The following OGDH variants were observed in gnomAD, a reference collection of about 807,000 sequenced individuals.
OGDH encodes oxoglutarate dehydrogenase.
OGDH carries 38 observed loss-of-function variants against 116.6 expected under a neutral mutation model. That is an observed-to-expected ratio of 0.33 (90% CI 0.25 to 0.43). OGDH has a LOEUF of 0.43. Among genes scored for constraint, OGDH ranks in the 20% least tolerant of loss-of-function variants. The probability of loss-of-function intolerance (pLI) is 1.00; values close to 1 mark genes in which losing one functional copy is unlikely to be tolerated. For synonymous variants in OGDH, 488 were observed against 533.3 expected, an observed-to-expected ratio of 0.92 and a Z score of 1.17; for missense variants, 825 against 1,357.2, an observed-to-expected ratio of 0.61 and a Z score of 6.16.
At chr7:44,634,247 TGGG>T (rs1785569044) in intron 2 of OGDH, among the ~76,000 whole-genome samples, 1 of 152,238 alleles carries the variant, frequency 6.6e-6, no homozygotes, top group African/African-American at 2.4e-5. Flanking sequence ...AGAAAGGCTG[TGGG>T]GCCTTTGAGG....
chr7:44,673,506 CAG>C (rs1333834544), intron 5 of OGDH, among the ~76,000 whole-genome samples: 1 of 152,168 alleles, frequency 6.6e-6, no homozygotes, highest in African/African-American at 2.4e-5. Flanking sequence ...ACAAAGGTAA[CAG>C]AGTAGAACTG....
chr7:44,620,805 T>C (rs755183934), intron 1 of OGDH, among the ~76,000 whole-genome samples: 70 of 152,158 alleles, frequency 4.6e-4, no homozygotes, highest in Non-Finnish European at 4.0e-4. Flanking sequence ...GTGTATTTTA[T>C]GTGTGGCCCT....
At chr7:44,703,548 CAT>C (rs1788935501) in intron 20 of OGDH, among the ~76,000 whole-genome samples, 3 of 151,916 alleles carry the variant, frequency 2.0e-5, no homozygotes, top group Admixed American at 6.6e-5. Flanking sequence ...GATGAAACCC[CAT>C]CTCTACGAAA....
intron 4 of OGDH, chr7:44,656,231 G>A (rs1031815145): frequency 5.0e-5 from 64 of 1,292,004 alleles, no homozygotes; most frequent in Non-Finnish European, 6.6e-5. Flanking sequence ...ATGGTGTAGG[G>A]TTTTGGTGTT....
intron 4 of OGDH, among the ~76,000 whole-genome samples, chr7:44,663,671 G>A (rs1233871296): frequency 6.6e-6 from 1 of 152,188 alleles, no homozygotes; most frequent in Non-Finnish European, 1.5e-5. Flanking sequence ...CTACTCAGGA[G>A]GCTGATGCAG....
chr7:44,663,758 A>G (rs1487202763), intron 4 of OGDH, among the ~76,000 whole-genome samples: 1 of 152,096 alleles, frequency 6.6e-6, no homozygotes, highest in Admixed American at 6.6e-5. Flanking sequence ...TGGGCAACAG[A>G]GCGAGATGCT....
intron 2 of OGDH, among the ~76,000 whole-genome samples, chr7:44,643,122 T>G (rs1585272331): frequency 1.1e-5 from 1 of 94,674 alleles, no homozygotes; most frequent in East Asian, 7.9e-4. Context: ...AAAAAAGTCA[T>G]TTTTTAAGTG....
chr7:44,705,964 G>C (rs377508308), intron 20 of OGDH, among the ~76,000 whole-genome samples: 1 of 152,072 alleles, frequency 6.6e-6, no homozygotes, highest in East Asian at 1.9e-4. Flanking sequence ...TTTTGAGATA[G>C]ATTCTTACCC....
intron 4 of OGDH, among the ~76,000 whole-genome samples, chr7:44,654,995 T>G (rs1042610972): frequency 3.9e-5 from 6 of 152,226 alleles, no homozygotes; most frequent in Non-Finnish European, 8.8e-5. Context: ...TTAACTCTCC[T>G]CTTCTTTGGT....
chr7:44,696,462 TG>T lies in OGDH; in HGVS notation c.1806del (p.Met602IlefsTer8). 6.2e-7 allele frequency: 1 copy of T among 1,614,216 alleles called. No individual in the cohort carries two copies. Among genetic ancestry groups the T allele is most frequent in the Non-Finnish European group, 8.5e-7 (1 of 1,180,022 alleles). ...FFTLDGQPRS[M>X]SCPSTGLTED... ...ACCCTGGACGGGCAGCCCAGGAGCATGTCCTGCCCCTCCACGGGTCTGACGG... is the reference window on the plus strand; with the variant it reads ...ACCCTGGACGGGCAGCCCAGGAGCATTCCTGCCCCTCCACGGGTCTGACGG... On this transcript the variant is annotated frameshift_variant, in exon 14 of 23. Transcript: ENST00000222673. LOFTEE classifies it high-confidence loss of function.
rs1294100758 is a variant in OGDH at position 44,698,223 on chromosome 7, G to A, written c.2390G>A (p.Arg797Gln). 4.3e-6 allele frequency: 7 copies of A among 1,614,054 alleles called. No individual in the cohort carries two copies. The highest frequency in any genetic ancestry group is 1.3e-5 in the African/African-American group (1 of 74,930). Reference protein sequence around the residue: ...GPEHSSARPERFLQMCNDDPD... With the variant: ...GPEHSSARPEQFLQMCNDDPD... ...GAACATTCCTCCGCCCGCCCAGAGC[G>A]GTTCTTGCAGATGTGCAACGATGAC... is the stretch of plus-strand genomic sequence containing the variant. Residue 797 changes from arginine to glutamine, a missense_variant, in exon 18 of 23, where the codon CGG (arginine) becomes CAG (glutamine). By Grantham distance (43) the Arg-to-Gln change is conservative. Around this residue, in one of 7 missense-constraint regions of OGDH, gnomAD observed 73 missense variants for 182.3 expected, o/e 0.40. Coordinates refer to ENST00000222673, the MANE Select transcript of OGDH (RefSeq NM_002541.4).
At chr7:44,637,469 A>C (rs750432977) in intron 2 of OGDH, among the ~76,000 whole-genome samples, 1 of 152,218 alleles carries the variant, frequency 6.6e-6, no homozygotes, top group Non-Finnish European at 1.5e-5. Context: ...CATATAGTTA[A>C]TAGATATTTG....
At chr7:44,650,377 C>A (rs1291242032) in intron 4 of OGDH, among the ~76,000 whole-genome samples, 1 of 152,184 alleles carries the variant, frequency 6.6e-6, no homozygotes, top group Non-Finnish European at 1.5e-5. Flanking sequence ...TCCCAGCCCA[C>A]TATTACTAGC....
In OGDH at chr7:44,707,386, C is replaced by CA; in HGVS notation, c.2795dup (p.Leu933AlafsTer7). On this transcript the variant is annotated frameshift_variant and splice_region_variant, in exon 21 of 23. Transcript: ENST00000222673. LOFTEE classifies it high-confidence loss of function. This position sits in a 1 kb window ranked among gnomAD's most constrained non-coding sequence, Gnocchi z 5.2. ...GCAGGTGGCCATCACAAGGATTGAG[C>CA]AGGTGAGGGCAGGTGGTGCCATCAG... 6.2e-7 allele frequency: 1 copy of CA among 1,614,064 alleles called. No individual in the cohort carries two copies. Among genetic ancestry groups the CA allele is most frequent in the Non-Finnish European group, 8.5e-7 (1 of 1,179,938 alleles).
intron 2 of OGDH, among the ~76,000 whole-genome samples, chr7:44,627,825 C>A (rs550626218): frequency 6.6e-6 from 1 of 151,920 alleles, no homozygotes; most frequent in Admixed American, 6.6e-5. Flanking sequence ...TACAGATACG[C>A]GCCACCACGC....
At chr7:44,651,538 T>A (rs1786441596) in intron 4 of OGDH, among the ~76,000 whole-genome samples, 1 of 152,184 alleles carries the variant, frequency 6.6e-6, no homozygotes, top group African/African-American at 2.4e-5. Context: ...TAAAAAATAT[T>A]GTTGAGATGG....
In OGDH at chr7:44,694,858, A is replaced by G. The variant is rs975982017; in HGVS notation, c.1668+282A>G. ...CCCAGTAGGTTTTCTCAGATTTCAC[A>G]AATTGTGCATGGTTGAGAGGTGGGT... is the stretch of plus-strand genomic sequence containing the variant. On this transcript the variant is annotated intron_variant, in intron 12 of 22. Coordinates refer to ENST00000222673, the MANE Select transcript of OGDH (RefSeq NM_002541.4). This position sits in a 1 kb window ranked among gnomAD's most constrained non-coding sequence, Gnocchi z 4.2. Among the ~76,000 whole-genome samples, 1 of 152,186 alleles carries G rather than the reference A, an allele frequency of 6.6e-6. No individual in the cohort carries two copies. The highest frequency in any genetic ancestry group is 1.5e-5 in the Non-Finnish European group (1 of 68,022).
At chr7:44,629,160 A>T (rs567294039) in intron 2 of OGDH, among the ~76,000 whole-genome samples, 1 of 152,354 alleles carries the variant, frequency 6.6e-6, no homozygotes, top group South Asian at 2.1e-4. Flanking sequence ...AATGTTTAAG[A>T]CAAACAGGTA....
intron 2 of OGDH, among the ~76,000 whole-genome samples, chr7:44,636,480 A>G (rs1785675204): frequency 6.6e-6 from 1 of 152,214 alleles, no homozygotes; most frequent in African/African-American, 2.4e-5. Context: ...TGCTGCAGTG[A>G]GGGGCAGCCC....
Sources: allele counts gnomAD v4.1 joint callset (sites outside exome capture counted in the v4.1 genomes callset), GRCh38; gene constraint gnomAD v4.1.1; regional missense constraint gnomAD v4.1.1; non-coding constraint Gnocchi (gnomAD v3.1); transcripts MANE v1.5; gene names NCBI Gene and HGNC (gene_info 2026-07-23, HGNC 2026-07-21).